The following MARCHF4 variants were observed in gnomAD, a reference collection of about 807,000 sequenced individuals.
MARCHF4 encodes the protein E3 ubiquitin-protein ligase MARCHF4.
MARCHF4 carries 14 observed loss-of-function variants against 43.9 expected under a neutral mutation model. The observed-to-expected ratio is 0.32, with a 90% CI of 0.21 to 0.50. The LOEUF is 0.50. MARCHF4 is among the 20% of genes least tolerant of loss of function. MARCHF4 has a pLI of 0.98. For synonymous variants in MARCHF4, 226 were observed against 213.3 expected, an observed-to-expected ratio of 1.06 and a Z score of -0.52; for missense variants, 468 against 536.7, an observed-to-expected ratio of 0.87 and a Z score of 1.27.
intron 1 of MARCHF4, among the ~76,000 whole-genome samples, chr2:216,294,217 CT>C (rs1218684144): frequency 6.6e-6 from 1 of 152,254 alleles, no homozygotes; most frequent in Non-Finnish European, 1.5e-5. Context: ...CACAGGCCCC[CT>C]GGCAAGTTAA....
intron 2 of MARCHF4, among the ~76,000 whole-genome samples, chr2:216,282,754 C>T (rs1691149959): frequency 6.6e-6 from 1 of 152,120 alleles, no homozygotes; most frequent in Non-Finnish European, 1.5e-5. Flanking sequence ...CAGAGGATCC[C>T]TAAGTTCTGT....
At chr2:216,341,605 A>G (rs1203817544) in intron 1 of MARCHF4, among the ~76,000 whole-genome samples, 3 of 152,246 alleles carry the variant, frequency 2.0e-5, no homozygotes, top group African/African-American at 7.2e-5. Flanking sequence ...TAGGCTTAGT[A>G]CCTACTGTGC....
intron 3 of MARCHF4, 87 bp from the exon 4 acceptor site, chr2:216,259,766 A>G: frequency 7.4e-7 from 1 of 1,356,048 alleles, no homozygotes. Context: ...GAATCTATGC[A>G]AGGTATGGGC....
At chr2:216,291,104 G>C (rs905521981) in intron 1 of MARCHF4, among the ~76,000 whole-genome samples, 1 of 152,096 alleles carries the variant, frequency 6.6e-6, no homozygotes, top group Non-Finnish European at 1.5e-5. Context: ...AAAAGGAAGG[G>C]GTGCCAGAGG....
chr2:216,333,429 C>T (rs1052892976), intron 1 of MARCHF4, among the ~76,000 whole-genome samples: 3 of 152,060 alleles, frequency 2.0e-5, no homozygotes, highest in African/African-American at 4.8e-5. Flanking sequence ...AATTTAAAAC[C>T]AAAATGAGAT....
chr2:216,275,201 A>C (rs1691000290), intron 3 of MARCHF4, among the ~76,000 whole-genome samples: 1 of 152,240 alleles, frequency 6.6e-6, no homozygotes, highest in Non-Finnish European at 1.5e-5. Context: ...AATTAGAGAG[A>C]TAGAAGTGTG....
At chr2:216,279,304 A>G (rs1295100890) in intron 2 of MARCHF4, among the ~76,000 whole-genome samples, 1 of 152,236 alleles carries the variant, frequency 6.6e-6, no homozygotes, top group East Asian at 1.9e-4. Context: ...AAGTGGGTGG[A>G]GTGGAGACAG....
intron 3 of MARCHF4, among the ~76,000 whole-genome samples, chr2:216,263,716 G>A (rs1690796804): frequency 6.6e-6 from 1 of 152,164 alleles, no homozygotes; most frequent in Non-Finnish European, 1.5e-5. Flanking sequence ...AGTGTGTGTG[G>A]GGGAAAGAAC....
chr2:216,317,261 G>A (rs1237608349), intron 1 of MARCHF4, among the ~76,000 whole-genome samples: 1 of 152,188 alleles, frequency 6.6e-6, no homozygotes, highest in Non-Finnish European at 1.5e-5. Context: ...CTGGGGTAAT[G>A]GGAATATTTT....
At chr2:216,263,513 G>GAGAGAA (rs1559280541) in intron 3 of MARCHF4, among the ~76,000 whole-genome samples, 46 of 112,308 alleles carry the variant, frequency 4.1e-4, no homozygotes, top group Admixed American at 1.2e-3. Context: ...GAGAGAGAGA[G>GAGAGAA]AGAGAGAGAG....
intron 1 of MARCHF4, among the ~76,000 whole-genome samples, chr2:216,303,953 T>C (rs552850143): frequency 6.6e-5 from 10 of 152,032 alleles, no homozygotes; most frequent in African/African-American, 2.4e-4. Context: ...GGTCAAGAGG[T>C]CACCTGGAAA....
chr2:216,315,356 A>G (rs1691757468), intron 1 of MARCHF4, among the ~76,000 whole-genome samples: 1 of 152,208 alleles, frequency 6.6e-6, no homozygotes, highest in Non-Finnish European at 1.5e-5. Context: ...AACCCTTTCT[A>G]GAAAACAGAG....
chr2:216,286,214 T>G (rs1691216064), intron 1 of MARCHF4, among the ~76,000 whole-genome samples: 1 of 152,138 alleles, frequency 6.6e-6, no homozygotes, highest in African/African-American at 2.4e-5. Context: ...AAAGACAGCA[T>G]AGGGACTTGC....
chr2:216,342,877 G>A (rs753628738), intron 1 of MARCHF4, among the ~76,000 whole-genome samples: 49 of 152,102 alleles, frequency 3.2e-4, no homozygotes, highest in Admixed American at 3.0e-3. Flanking sequence ...CAGCTGGTAG[G>A]TGGGCTCTTG....
chr2:216,362,011 G>A (rs532548225), intron 1 of MARCHF4, among the ~76,000 whole-genome samples: 5 of 152,284 alleles, frequency 3.3e-5, no homozygotes, highest in East Asian at 3.9e-4. Flanking sequence ...GGTCCAGGGA[G>A]GTTAAATAAG....
intron 1 of MARCHF4, among the ~76,000 whole-genome samples, chr2:216,336,769 C>CAAAAAAAAAAAAAAAAAAAA (rs1453857917): frequency 6.0e-5 from 4 of 66,884 alleles, no homozygotes; most frequent in South Asian, 4.9e-4. Flanking sequence ...AAAAAAAAAG[C>CAAAAAAAAAAAAAAAAAAAA]TTTCTGGAAA....
At chr2:216,293,089 T>C (rs1003658235) in intron 1 of MARCHF4, among the ~76,000 whole-genome samples, 6 of 152,230 alleles carry the variant, frequency 3.9e-5, no homozygotes, top group Admixed American at 3.9e-4. Flanking sequence ...TAGAATCCAT[T>C]GCTGTTCACA....
chr2:216,306,781 TAC>T (rs944313820), intron 1 of MARCHF4, among the ~76,000 whole-genome samples: 2 of 152,162 alleles, frequency 1.3e-5, no homozygotes, highest in African/African-American at 4.8e-5. Flanking sequence ...CCCAATCTCA[TAC>T]AGAGACTCTG....
chr2:216,318,024 C>T (rs768921918), intron 1 of MARCHF4: 1 of 152,248 alleles, frequency 6.6e-6, no homozygotes, highest in Non-Finnish European at 1.5e-5. Context: ...ATCTTAGATA[C>T]AAGCTGTGGA....
Sources: gnomAD v4.1 joint callset for allele counts (sites outside exome capture counted in the v4.1 genomes callset) on GRCh38, gnomAD v4.1.1 for gene constraint, MANE v1.5 for transcripts, NCBI Gene and HGNC (gene_info 2026-07-23, HGNC 2026-07-21) for gene names.